VBP1: variants seen among roughly 807,000 people sequenced by gnomAD.
VBP1 encodes prefoldin subunit 3.
Under a neutral mutation model 15.5 loss-of-function variants are expected in VBP1, and 4 were observed. The observed-to-expected ratio is 0.26, with a 90% CI of 0.13 to 0.59. The LOEUF is 0.59. Among genes scored for constraint, VBP1 ranks in the 20% least tolerant of loss-of-function variants. VBP1 has a pLI of 0.90. For missense variants in VBP1, 108 were observed against 139.6 expected (o/e 0.77, Z 1.14); for synonymous variants, 61 against 52.1 (o/e 1.17, Z -0.74).
chrX:155,227,408 A>T, intron 3 of VBP1, 107 bp downstream of exon 3: 6 of 534,399 alleles, frequency 1.1e-5, no homozygotes, highest in South Asian at 3.9e-5. Flanking sequence ...TGTGGAATCC[A>T]GTCTGCCTTC....
chrX:155,225,208 C>T (rs1392793601), intron 2 of VBP1, among the ~76,000 whole-genome samples: 3 of 111,326 alleles, frequency 2.7e-5, no homozygotes, highest in South Asian at 3.8e-4. Flanking sequence ...CAGTAATGTA[C>T]GTGGAGGTGG....
In VBP1 at chrX:155,239,677, C is replaced by T. The variant is rs1557312024; in HGVS notation, c.*835C>T. On this transcript the variant is annotated 3_prime_UTR_variant, in exon 6 of 6. Coordinates refer to ENST00000286428, the MANE Select transcript of VBP1 (RefSeq NM_003372.7). ...TATAAAAAATCCCTGTGGAAAGCTA[C>T]TAGTACATTGACCAGCGCTGGGTGA... 1.8e-5 allele frequency: 2 copies of T among 111,904 alleles called. No homozygotes were observed. The allele number at this position is 111,904 out of a possible 1,213,427, so 9.2% of individuals were successfully genotyped here.
chrX:155,220,070 C>G (rs1171155371), intron 1 of VBP1, 113 bp from the exon 2 acceptor site: 20 of 731,469 alleles, frequency 2.7e-5, no homozygotes, highest in Non-Finnish European at 3.4e-5. Flanking sequence ...TAAAAACAAA[C>G]CTTTGGAGAA....
At chrX:155,231,555 TGTTA>T (rs1220304356) in intron 4 of VBP1, among the ~76,000 whole-genome samples, 3 of 112,602 alleles carry the variant, frequency 2.7e-5, no homozygotes, top group Non-Finnish European at 5.6e-5. Flanking sequence ...ATGACATTTT[TGTTA>T]GTTTTTCATC....
chrX:155,221,205 G>A (rs1002890968), intron 2 of VBP1, among the ~76,000 whole-genome samples: 2 of 110,927 alleles, frequency 1.8e-5, no homozygotes, highest in Admixed American at 9.6e-5. Flanking sequence ...GGTGGCATGC[G>A]CTTGTAATCC....
intron 1 of VBP1, among the ~76,000 whole-genome samples, chrX:155,217,263 T>A (rs1490695468): frequency 5.3e-5 from 6 of 112,232 alleles, no homozygotes; most frequent in Admixed American, 9.4e-5. Flanking sequence ...AGGTCCCAGG[T>A]TCGCTAGTGT....
At chrX:155,216,448 G>T, upstream of VBP1, 1 of 1,160,653 alleles carries the variant, frequency 8.6e-7, no homozygotes, top group Non-Finnish European at 1.2e-6. Context: ...GGCGGCCGGC[G>T]GCCCGGGAGG....
chrX:155,214,768 C>CTTTTTTTTTTTTTTTTT (rs782556765), upstream of VBP1, among the ~76,000 whole-genome samples: 47 of 83,055 alleles, frequency 5.7e-4, no homozygotes, highest in Admixed American at 1.6e-3. Context: ...TTTTCTTTTC[C>CTTTTTTTTTTTTTTTTT]TTTTTTTTTT....
At chrX:155,225,767 C>G (rs1271983840) in intron 2 of VBP1, among the ~76,000 whole-genome samples, 1 of 112,121 alleles carries the variant, frequency 8.9e-6, no homozygotes, top group Non-Finnish European at 1.9e-5. Flanking sequence ...TTCTGTTTAC[C>G]TATATGAACA....
chrX:155,201,689 A>G (rs1429613514), intron 1 of VBP1, among the ~76,000 whole-genome samples: 1 of 100,690 alleles, frequency 9.9e-6, no homozygotes, highest in African/African-American at 3.8e-5. Flanking sequence ...ATTCCCTTTG[A>G]AAACTGGCAC....
At chrX:155,237,535 G>GC (rs1284835086) in intron 5 of VBP1, among the ~76,000 whole-genome samples, 1 of 111,138 alleles carries the variant, frequency 9.0e-6, no homozygotes, top group Non-Finnish European at 1.9e-5. Flanking sequence ...CTTGTGAAGT[G>GC]CCCCCAGCTT....
chrX:155,221,597 A>G (rs781939371), intron 2 of VBP1, among the ~76,000 whole-genome samples: 5 of 112,267 alleles, frequency 4.5e-5, no homozygotes, highest in African/African-American at 1.6e-4. Flanking sequence ...CAGTAGAGGT[A>G]CAGGGGGATG....
At chrX:155,238,721 C>T in intron 5 of VBP1, 51 bp from the exon 6 acceptor site, 1 of 1,001,693 alleles carries the variant, frequency 1.0e-6, no homozygotes, top group Non-Finnish European at 1.4e-6. Context: ...TTAGTCATTG[C>T]ATGCATTATC....
intron 1 of VBP1, among the ~76,000 whole-genome samples, chrX:155,199,375 T>A (rs2074592346): frequency 2.7e-5 from 3 of 110,083 alleles, no homozygotes; most frequent in South Asian, 7.8e-4. Flanking sequence ...CGGGTTACCC[T>A]CAAAGGGAAG....
intron 1 of VBP1, among the ~76,000 whole-genome samples, chrX:155,219,323 CTAAT>C (rs1244542889): frequency 5.3e-5 from 6 of 112,260 alleles, no homozygotes; most frequent in African/African-American, 1.9e-4. Context: ...TGATCCTTAT[CTAAT>C]TAACTAGCCT....
Position 155,204,092 on chromosome X carries a change from C to G in VBP1, c.-30-4782C>G, listed in dbSNP as rs1439934470. On this transcript the variant is annotated intron_variant, in intron 1 of 6. Coordinates refer to the VBP1 transcript ENST00000535916. ...TTAGGCTCTGCACAGAACATCTATA[C>G]TGTATGATTGTTCACTTTATCTCGT... Among the ~76,000 whole-genome samples, 3 of 111,896 alleles carry G rather than the reference C, an allele frequency of 2.7e-5. No individual in the cohort carries two copies. The Admixed American group carries it at 2.8e-4, about 11-fold the overall frequency.
chrX:155,215,527 C>A (rs1451755620), upstream of VBP1, among the ~76,000 whole-genome samples: 1 of 112,222 alleles, frequency 8.9e-6, no homozygotes, highest in East Asian at 2.8e-4. Context: ...ATTTCTTCCT[C>A]ATATTATATC....
chrX:155,221,462 C>T (rs1215904513), intron 2 of VBP1, among the ~76,000 whole-genome samples: 1 of 111,854 alleles, frequency 8.9e-6, no homozygotes, highest in Non-Finnish European at 1.9e-5. Flanking sequence ...GATCATGCCC[C>T]TGCACTCCAG....
intron 4 of VBP1, among the ~76,000 whole-genome samples, chrX:155,230,132 CTTCT>C (rs1557310667): frequency 9.0e-6 from 1 of 111,616 alleles, no homozygotes. Context: ...GGGTCGATTC[CTTCT>C]GAGAGCTGTG....
Sources: gnomAD v4.1 joint callset for allele counts (sites outside exome capture counted in the v4.1 genomes callset) on GRCh38, gnomAD v4.1.1 for gene constraint, MANE v1.5 for transcripts, NCBI Gene and HGNC (gene_info 2026-07-23, HGNC 2026-07-21) for gene names.